Variants in CDH23 observed in about 807,000 individuals in gnomAD.
The protein encoded by CDH23 is cadherin related 23.
CDH23 carries 189 observed loss-of-function variants against 317.1 expected under a neutral mutation model. The observed-to-expected ratio is 0.60, with a 90% CI of 0.53 to 0.67. The LOEUF (loss-of-function observed/expected upper bound fraction) is 0.67. Ranked by LOEUF, CDH23 falls within the 30% of genes least tolerant of loss-of-function variation. The pLI, the probability that CDH23 is intolerant of heterozygous loss-of-function variation, is 0.00. For missense variants in CDH23, 4,401 were observed against 4,592.4 expected (o/e 0.96, Z 1.20); for synonymous variants, 1,839 against 1,876.8 (o/e 0.98, Z 0.52).
chr10:71,616,197 G>T (rs370441623), intron 10 of CDH23, among the ~76,000 whole-genome samples: 1 of 152,364 alleles, frequency 6.6e-6, no homozygotes, highest in East Asian at 1.9e-4. Flanking sequence ...CCCGTTTAGG[G>T]GTATGGATCC....
At chr10:71,539,537 C>G (rs57831107) in intron 6 of CDH23, among the ~76,000 whole-genome samples, 2 of 151,784 alleles carry the variant, frequency 1.3e-5, no homozygotes, top group African/African-American at 4.8e-5. Context: ...TGATGCAAAA[C>G]TAGAGATATA....
intron 14 of CDH23, among the ~76,000 whole-genome samples, chr10:71,656,725 A>G (rs1665685): frequency 0.063 from 9,565 of 152,274 alleles, 374 homozygotes; most frequent in Admixed American, 0.13. Context: ...TTGAAAATGC[A>G]GGAAAGAGTA....
At chr10:71,563,292 A>G (rs1448959120) in intron 6 of CDH23, among the ~76,000 whole-genome samples, 1 of 152,152 alleles carries the variant, frequency 6.6e-6, no homozygotes, top group African/African-American at 2.4e-5. Flanking sequence ...CAGCTCCTGC[A>G]TTCCAGCCAT....
intron 28 of CDH23, among the ~76,000 whole-genome samples, chr10:71,720,940 C>T (rs953838636): frequency 1.3e-5 from 2 of 152,224 alleles, no homozygotes; most frequent in Non-Finnish European, 2.9e-5. Flanking sequence ...GGCAAAGCAT[C>T]CGGCCCAAAG....
intron 11 of CDH23, among the ~76,000 whole-genome samples, chr10:71,641,765 C>T (rs2132582071): frequency 6.6e-6 from 1 of 152,216 alleles, no homozygotes; most frequent in East Asian, 1.9e-4. Flanking sequence ...CCTTTTCTGC[C>T]AGTCCAAAAG....
intron 32 of CDH23, 84 bp downstream of exon 32, chr10:71,732,459 T>C (rs1334750957): frequency 1.3e-6 from 2 of 1,523,008 alleles, no homozygotes; most frequent in Non-Finnish European, 1.8e-6. Context: ...AGCACTCTCC[T>C]CTTTGTCATA....
At chr10:71,429,038 C>T (rs1394160113) in intron 1 of CDH23, among the ~76,000 whole-genome samples, 4 of 152,056 alleles carry the variant, frequency 2.6e-5, no homozygotes, top group Non-Finnish European at 5.9e-5. Flanking sequence ...CGTTTTTACT[C>T]TGTTGATAGT....
At chr10:71,709,623 A>C (rs1028470587) in intron 27 of CDH23, among the ~76,000 whole-genome samples, 1 of 152,178 alleles carries the variant, frequency 6.6e-6, no homozygotes, top group African/African-American at 2.4e-5. Context: ...ATTTTAAAAT[A>C]AAATAAACTG....
chr10:71,790,165 T>A (rs1276397027), intron 45 of CDH23, 123 bp from the exon 46 acceptor site: 3 of 1,366,794 alleles, frequency 2.2e-6, no homozygotes, highest in Non-Finnish European at 3.0e-6. Context: ...CTCCCCACCC[T>A]GTCCACCTCA....
chr10:71,710,210 A>G (rs1865924276), intron 27 of CDH23, among the ~76,000 whole-genome samples: 1 of 152,134 alleles, frequency 6.6e-6, no homozygotes, highest in Non-Finnish European at 1.5e-5. Flanking sequence ...ACCTGTACAC[A>G]TTCTCAGGTT....
chr10:71,785,055 C>T lies in CDH23; in HGVS notation c.5667C>T (p.Asn1889=), dbSNP rs375358318. The change falls in exon 43 of 70, where the codon AAC becomes AAT. Residue 1889 remains asparagine, a synonymous_variant. Transcript: ENST00000224721. ...DSGCNARLTF[N]ITAGNRERAF... ...GCTGCAATGCACGCCTCACCTTCAA[C>T]ATCACTGCGGGCAACCGCGAGCGGG... The T allele has an allele frequency of 1.1e-4, 183 of 1,614,086 alleles. No individual in the cohort carries two copies. The African/African-American group carries it at 2.1e-3, about 18-fold the overall frequency.
At chr10:71,646,865 T>G in intron 14 of CDH23, 1 of 1,439,856 alleles carries the variant, frequency 6.9e-7, no homozygotes, top group South Asian at 1.6e-5. Flanking sequence ...GGACACTGGT[T>G]TTCTGCCTTT....
At chr10:71,708,653 C>T (rs1865870909) in intron 26 of CDH23, among the ~76,000 whole-genome samples, 1 of 152,182 alleles carries the variant, frequency 6.6e-6, no homozygotes. Flanking sequence ...GGGGGATGCT[C>T]AGCCAACCCC....
Position 71,815,538 on chromosome 10 carries a change from G to A in CDH23, c.*260G>A, listed in dbSNP as rs180871119. Reference sequence around the variant, plus strand: ...AAAAATGTTAAGCATCTAAGGACAAGGTAAGGAGGGTCACTGGGGCCCAAG... The same window carrying A: ...AAAAATGTTAAGCATCTAAGGACAAAGTAAGGAGGGTCACTGGGGCCCAAG... On this transcript the variant is annotated 3_prime_UTR_variant, in exon 70 of 70. Transcript: ENST00000224721. 79 of 367,524 alleles carry A rather than the reference G, an allele frequency of 2.1e-4. No individual in the cohort carries two copies. Among genetic ancestry groups the A allele is most frequent in the African/African-American group, 1.3e-3 (64 of 48,594 alleles). 22.8% of individuals were successfully genotyped at this position (367,524 alleles called of 1,614,324 possible).
chr10:71,567,307 G>C (rs534656602), intron 7 of CDH23, among the ~76,000 whole-genome samples: 2 of 152,334 alleles, frequency 1.3e-5, no homozygotes, highest in East Asian at 3.9e-4. Context: ...TCTTAGTGCA[G>C]AGTGCCTCTT....
rs532909551 is a variant in CDH23 at position 71,397,700 on chromosome 10, G to A, written c.-6+382G>A. Reference sequence around the variant, plus strand: ...GGAGAGATTTTCGAGAGTGGAGCGCGTTGGGATCCAATCCCCTCCCCTTCT... The same window carrying A: ...GGAGAGATTTTCGAGAGTGGAGCGCATTGGGATCCAATCCCCTCCCCTTCT... On this transcript the variant is annotated intron_variant, in intron 1 of 69. Transcript: ENST00000224721. This position sits in a 1 kb window ranked among gnomAD's most constrained non-coding sequence, Gnocchi z 4.8. 3.9e-5 allele frequency among the ~76,000 whole-genome samples: 6 copies of A among 152,182 alleles called. No individual in the cohort carries two copies. In the East Asian group the frequency reaches 1.2e-3, roughly 30 times the overall value.
chr10:71,455,582 G>T (rs965481993), intron 3 of CDH23, among the ~76,000 whole-genome samples: 2 of 152,116 alleles, frequency 1.3e-5, no homozygotes, highest in African/African-American at 4.8e-5. Flanking sequence ...GAACAGAAGA[G>T]ACAAAAATCC....
chr10:71,665,482 A>C (rs770614147), intron 14 of CDH23, among the ~76,000 whole-genome samples: 1 of 152,222 alleles, frequency 6.6e-6, no homozygotes, highest in Non-Finnish European at 1.5e-5. Context: ...AGGGAAGAGA[A>C]GGAGCAGCAA....
At position 71,775,110 on chromosome 10, in the gene CDH23, G is replaced by A. The variant is rs150697305; in HGVS notation, c.4846-2570G>A. On this transcript the variant is annotated intron_variant, in intron 38 of 69. Coordinates refer to ENST00000224721, the MANE Select transcript of CDH23 (RefSeq NM_022124.6). ...GCTCCTGGCCTTGTGACCCCACCTT[G>A]GAAGGCAGCCCAGGGCCCTTCCTGC... Among the ~76,000 whole-genome samples the A allele has an allele frequency of 2.5e-3, 384 of 152,256 alleles. 3 individuals carry two copies. In the Middle Eastern group the frequency reaches 0.027, roughly 11 times the overall value.
Sources: gnomAD v4.1 joint callset for allele counts (sites outside exome capture counted in the v4.1 genomes callset) on GRCh38, gnomAD v4.1.1 for gene constraint, Gnocchi (gnomAD v3.1) non-coding constraint, MANE v1.5 for transcripts, NCBI Gene and HGNC (gene_info 2026-07-23, HGNC 2026-07-21) for gene names.